PLXNC1: variants seen among roughly 807,000 people sequenced by gnomAD.
PLXNC1 encodes plexin C1.
PLXNC1 carries 75 observed loss-of-function variants against 178.2 expected under a neutral mutation model. The ratio of observed to expected loss-of-function variants is 0.42; its 90% CI spans 0.35 to 0.51. PLXNC1 has a LOEUF of 0.51. PLXNC1 is among the 20% of genes least tolerant of loss of function. The probability of loss-of-function intolerance (pLI) is 0.02; values close to 1 mark genes in which losing one functional copy is unlikely to be tolerated. For missense variants in PLXNC1, 1,503 were observed against 1,984.4 expected, an observed-to-expected ratio of 0.76 and a Z score of 4.61; for synonymous variants, 790 against 779.9, an observed-to-expected ratio of 1.01 and a Z score of -0.22.
At chr12:94,150,436 T>C (rs1045678596) in intron 1 of PLXNC1, among the ~76,000 whole-genome samples, 1 of 152,184 alleles carries the variant, frequency 6.6e-6, no homozygotes, top group African/African-American at 2.4e-5. Flanking sequence ...GGCGTGTGGG[T>C]CTGACCCTCT....
chr12:94,155,455 GAT>G (rs1013935247), intron 1 of PLXNC1, among the ~76,000 whole-genome samples: 5 of 152,210 alleles, frequency 3.3e-5, no homozygotes, highest in African/African-American at 1.2e-4. Context: ...ACTATTGTAA[GAT>G]AAAACAATTT....
At chr12:94,262,461 A>G in intron 20 of PLXNC1, 2 of 984,918 alleles carry the variant, frequency 2.0e-6, no homozygotes, top group Non-Finnish European at 1.2e-6. Flanking sequence ...AGATGTTCAG[A>G]AAATCTGGGC....
At chr12:94,151,519 T>G (rs2135914426) in intron 1 of PLXNC1, among the ~76,000 whole-genome samples, 1 of 152,362 alleles carries the variant, frequency 6.6e-6, no homozygotes, top group South Asian at 2.1e-4. Context: ...ATGTAATATT[T>G]GATTCCTGTC....
rs1964357916 is a variant in PLXNC1, at chr12:94,240,459, A to G, written c.2121-26A>G. On this transcript the variant is annotated intron_variant, in intron 10 of 30. Coordinates refer to ENST00000258526, the MANE Select transcript of PLXNC1 (RefSeq NM_005761.3). ...CTGTGCTAAGTGTCTGTGTCATGTG[A>G]GAGTTCTTTTTCTACTCTTTTCTAG... 14 of 1,584,120 alleles carry G rather than the reference A, an allele frequency of 8.8e-6. No homozygotes were observed. The East Asian group carries it at 3.1e-4, about 35-fold the overall frequency.
intron 22 of PLXNC1, among the ~76,000 whole-genome samples, chr12:94,281,344 C>T (rs1178091382): frequency 6.6e-6 from 1 of 152,192 alleles, no homozygotes; most frequent in South Asian, 2.1e-4. Context: ...GCTTGGAGCT[C>T]TTACAGCAGA....
chr12:94,215,054 G>A (rs550217886), intron 5 of PLXNC1, among the ~76,000 whole-genome samples: 46 of 152,206 alleles, frequency 3.0e-4, no homozygotes, highest in Middle Eastern at 3.4e-3. Context: ...CCACCACCAA[G>A]CCTGGCTAAT....
At chr12:94,280,797 C>T (rs182281677) in intron 22 of PLXNC1, among the ~76,000 whole-genome samples, 11 of 152,326 alleles carry the variant, frequency 7.2e-5, no homozygotes, top group Admixed American at 1.3e-4. Context: ...TTGGTCCTGC[C>T]GCTGATGAGT....
rs3060912 is a variant in PLXNC1 at position 94,164,661 on chromosome 12, G to GCA, written c.1063-4448_1063-4447dup. Reference sequence around the variant, plus strand: ...CCTCATGATATGCCCATGACTCCCTGCACACACACACACACACACACACAC... The same window carrying GCA: ...CCTCATGATATGCCCATGACTCCCTGCACACACACACACACACACACACACAC... On this transcript the variant is annotated intron_variant, in intron 1 of 30. Transcript: ENST00000258526. 7.0e-3 allele frequency among the ~76,000 whole-genome samples: 1,038 copies of GCA among 148,792 alleles called. 10 individuals are homozygous for GCA. The highest frequency in any genetic ancestry group is 0.017 in the African/African-American group (674 of 40,244).
intron 8 of PLXNC1, 38 bp from the exon 9 acceptor site, chr12:94,227,111 C>T: frequency 1.6e-6 from 2 of 1,231,406 alleles, no homozygotes; most frequent in Non-Finnish European, 1.2e-6. Flanking sequence ...TTGAATTTAC[C>T]ACCCATCTGG....
chr12:94,252,723 TAGAG>T (rs925258644), intron 15 of PLXNC1, among the ~76,000 whole-genome samples: 4 of 152,206 alleles, frequency 2.6e-5, no homozygotes, highest in African/African-American at 7.2e-5. Flanking sequence ...AGCTACGCCC[TAGAG>T]AGAGGGAATG....
At position 94,290,243 on chromosome 12, in the gene PLXNC1, G is replaced by A. The variant is rs778394144; in HGVS notation, c.3880-4243G>A. 5.1e-4 allele frequency among the ~76,000 whole-genome samples: 77 copies of A among 152,324 alleles called. 1 individual carries two copies. The highest frequency in any genetic ancestry group is 1.8e-3 in the African/African-American group (76 of 41,578). ...AGAAACAGAGCATATCCAGCTCTTC[G>A]TGGGGAGGAATTTTGTAACTATGTT... On this transcript the variant is annotated intron_variant, in intron 23 of 30. Coordinates refer to ENST00000258526, the MANE Select transcript of PLXNC1 (RefSeq NM_005761.3).
At chr12:94,275,519 G>C (rs1965864249) in intron 21 of PLXNC1, among the ~76,000 whole-genome samples, 1 of 152,166 alleles carries the variant, frequency 6.6e-6, no homozygotes, top group South Asian at 2.1e-4. Context: ...GAGGTGTTAA[G>C]AGGCTGACCC....
intron 22 of PLXNC1, among the ~76,000 whole-genome samples, chr12:94,280,939 C>G (rs1268916037): frequency 6.6e-6 from 1 of 152,204 alleles, no homozygotes; most frequent in Admixed American, 6.5e-5. Flanking sequence ...TGTGTGCCTG[C>G]TGATTTCCCA....
intron 23 of PLXNC1, among the ~76,000 whole-genome samples, chr12:94,289,843 T>TA (rs1386673402): frequency 6.6e-6 from 1 of 152,130 alleles, no homozygotes; most frequent in Non-Finnish European, 1.5e-5. Context: ...CACTCACACA[T>TA]ACGCGCTCAC....
At chr12:94,213,467 G>A (rs910135347) in intron 5 of PLXNC1, among the ~76,000 whole-genome samples, 9 of 152,216 alleles carry the variant, frequency 5.9e-5, no homozygotes, top group Admixed American at 3.9e-4. Flanking sequence ...AGAAGTGCCT[G>A]TTCATATCCT....
At chr12:94,227,529 G>T in intron 9 of PLXNC1, 1 of 265,986 alleles carries the variant, frequency 3.8e-6, no homozygotes, top group South Asian at 4.9e-5. Flanking sequence ...CTGGAAGGAA[G>T]TTTAGCATTC....
intron 12 of PLXNC1, among the ~76,000 whole-genome samples, chr12:94,247,411 C>G (rs552425579): frequency 8.7e-4 from 132 of 152,314 alleles, no homozygotes; most frequent in African/African-American, 3.1e-3. Flanking sequence ...GAGGTTCCCC[C>G]AACAAAGGGT....
At chr12:94,267,242 G>A (rs1364767846) in intron 21 of PLXNC1, among the ~76,000 whole-genome samples, 2 of 152,238 alleles carry the variant, frequency 1.3e-5, no homozygotes, top group Admixed American at 1.3e-4. Flanking sequence ...AGACAGGAAA[G>A]GAGAAGATGG....
intron 3 of PLXNC1, among the ~76,000 whole-genome samples, chr12:94,184,496 C>A (rs1962440691): frequency 6.6e-6 from 1 of 151,704 alleles, no homozygotes; most frequent in Non-Finnish European, 1.5e-5. Context: ...GATCTTGGCT[C>A]ACTGCAACCT....
Sources: allele counts gnomAD v4.1 joint callset (sites outside exome capture counted in the v4.1 genomes callset), GRCh38; gene constraint gnomAD v4.1.1; transcripts MANE v1.5; gene names NCBI Gene and HGNC (gene_info 2026-07-23, HGNC 2026-07-21).